ABI3BP: variants seen among roughly 807,000 people sequenced by gnomAD.
ABI3BP encodes ABI family member 3 binding protein.
ABI3BP carries 216 observed loss-of-function variants against 268.6 expected under a neutral mutation model. The ratio of observed to expected loss-of-function variants is 0.80; its 90% confidence interval spans 0.72 to 0.90. The LOEUF (loss-of-function observed/expected upper bound fraction) is 0.90. Ranked by LOEUF, ABI3BP falls within the 40% of genes least tolerant of loss-of-function variation. The pLI, the probability that ABI3BP is intolerant of heterozygous loss-of-function variation, is 0.00. For missense variants in ABI3BP, 2,090 were observed against 2,182.4 expected, an observed-to-expected ratio of 0.96 and a Z score of 0.84; for synonymous variants, 730 against 730.0, an observed-to-expected ratio of 1.00 and a Z score of 0.00.
At chr3:100,816,554 T>G in intron 43 of ABI3BP, 134 bp downstream of exon 43, 1 of 789,798 alleles carries the variant, frequency 1.3e-6, no homozygotes, top group East Asian at 2.7e-5. Flanking sequence ...TTGCTACCCA[T>G]GTTAAATAAT....
At chr3:100,880,766 C>G (rs1378093691) in intron 6 of ABI3BP, among the ~76,000 whole-genome samples, 2 of 152,198 alleles carry the variant, frequency 1.3e-5, no homozygotes, top group African/African-American at 4.8e-5. Flanking sequence ...CTGCATTACA[C>G]TAACTTCCTC....
At chr3:100,755,533 G>A (rs2095570805) in intron 63 of ABI3BP, among the ~76,000 whole-genome samples, 1 of 152,116 alleles carries the variant, frequency 6.6e-6, no homozygotes. Context: ...ATATCGGCCA[G>A]TCCCTTAACC....
At position 100,951,283 on chromosome 3, in the gene ABI3BP, A is replaced by G. The variant is rs548987712; in HGVS notation, c.80-24802T>C. Among the ~76,000 whole-genome samples the G allele has an allele frequency of 1.9e-4, 29 of 151,688 alleles. 1 individual carries two copies. The Middle Eastern group carries it at 0.01, about 53-fold the overall frequency. On this transcript the variant is annotated intron_variant, in intron 1 of 67. Transcript: ENST00000471714. The stretch of plus-strand genomic sequence containing the variant: ...TTGCCCCACCTCCCCCTACATCTTG[A>G]TTTTACTCTGTGACACAGTGGTATC...
chr3:100,831,461 T>G (rs2098492235), intron 31 of ABI3BP, among the ~76,000 whole-genome samples: 4 of 152,156 alleles, frequency 2.6e-5, no homozygotes, highest in Admixed American at 2.6e-4. Flanking sequence ...TTACTTAACA[T>G]AAGTAGCTGA....
chr3:100,753,807 A>AC lies in ABI3BP; in HGVS notation c.4960+11dup, dbSNP rs2095469491. ...AAGCATGTAGTTGTGCCTCATTGAG[A>AC]CAGGTACTTACCAGAAACTGGCTCA... On this transcript the variant is annotated intron_variant, in intron 65 of 67. Transcript: ENST00000471714. The AC allele has an allele frequency of 2.5e-6, 4 of 1,610,862 alleles. No homozygotes were observed. Among genetic ancestry groups the AC allele is most frequent in the Non-Finnish European group, 3.4e-6 (4 of 1,178,678 alleles).
At chr3:100,912,598 T>A (rs1375570161) in intron 2 of ABI3BP, among the ~76,000 whole-genome samples, 1 of 152,122 alleles carries the variant, frequency 6.6e-6, no homozygotes, top group Non-Finnish European at 1.5e-5. Context: ...ATATTGTCGA[T>A]TCTGATTTGC....
chr3:100,782,494 G>T (rs2096898396), intron 57 of ABI3BP, among the ~76,000 whole-genome samples: 1 of 152,108 alleles, frequency 6.6e-6, no homozygotes, highest in Admixed American at 6.6e-5. Flanking sequence ...CCAGCCTTTA[G>T]AAATGGATAG....
chr3:100,835,711 C>T, intron 27 of ABI3BP, 51 bp from the exon 28 acceptor site: 1 of 1,373,546 alleles, frequency 7.3e-7, no homozygotes, highest in Non-Finnish European at 9.9e-7. Flanking sequence ...TACAGAAAAA[C>T]AAAGTTATTT....
At chr3:100,870,452 G>A (rs1047916243) in intron 9 of ABI3BP, among the ~76,000 whole-genome samples, 4 of 151,902 alleles carry the variant, frequency 2.6e-5, no homozygotes, top group Non-Finnish European at 5.9e-5. Flanking sequence ...AGTGCTCAAC[G>A]TCACTGATCA....
intron 1 of ABI3BP, among the ~76,000 whole-genome samples, chr3:100,955,839 C>T (rs2076622666): frequency 6.6e-6 from 1 of 152,044 alleles, no homozygotes; most frequent in African/African-American, 2.4e-5. Context: ...GCCATACTTT[C>T]ATTGAGTTTA....
At chr3:100,851,644 C>A (rs1423471752) in intron 15 of ABI3BP, among the ~76,000 whole-genome samples, 1 of 152,184 alleles carries the variant, frequency 6.6e-6, no homozygotes, top group Non-Finnish European at 1.5e-5. Context: ...TCAGTGGCAA[C>A]CAAATCTATC....
chr3:100,866,970 GAACA>G lies in ABI3BP; in HGVS notation c.911-18_911-15del, dbSNP rs372200313. The G allele has an allele frequency of 2.6e-4, 417 of 1,609,442 alleles. 1 individual carries two copies. The African/African-American group carries it at 4.4e-3, about 17-fold the overall frequency. ...TTTCATTCTTAGCTAAAAAGTCAGA[GAACA>G]AACAATTTATCTCACTTGCAGTGTC... On this transcript the variant is annotated splice_polypyrimidine_tract_variant and intron_variant, in intron 9 of 67. Coordinates refer to ENST00000471714, the MANE Select transcript of ABI3BP (RefSeq NM_001375547.2).
chr3:100,761,940 GC>G, intron 63 of ABI3BP, among the ~76,000 whole-genome samples: 1 of 152,310 alleles, frequency 6.6e-6, no homozygotes, highest in South Asian at 2.1e-4. Flanking sequence ...TCTTTCAGAA[GC>G]TTTGATCCAT....
At chr3:100,884,495 T>G (rs563698730) in intron 6 of ABI3BP, among the ~76,000 whole-genome samples, 2 of 152,284 alleles carry the variant, frequency 1.3e-5, no homozygotes, top group South Asian at 4.1e-4. Flanking sequence ...CTACTTTATC[T>G]AAGACTATTT....
intron 1 of ABI3BP, among the ~76,000 whole-genome samples, chr3:100,956,526 T>A (rs1013562305): frequency 6.6e-6 from 1 of 152,136 alleles, no homozygotes; most frequent in African/African-American, 2.4e-5. Context: ...GGGTCTTGAG[T>A]GACTACAAAG....
chr3:100,883,730 T>C (rs1395317658), intron 6 of ABI3BP, among the ~76,000 whole-genome samples: 1 of 152,090 alleles, frequency 6.6e-6, no homozygotes, highest in Non-Finnish European at 1.5e-5. Context: ...ACCATAGTAT[T>C]AGGAAGGCTT....
In ABI3BP at chr3:100,822,643, G is replaced by T. The variant is rs528206643; in HGVS notation, c.2833C>A (p.Pro945Thr). ...GGTGTGGTTTTTGTTCTGAGACGTGGACGACGTGTCCGTTGTGATGTTTTG... is the reference window on the plus strand; with the variant it reads ...GGTGTGGTTTTTGTTCTGAGACGTGTACGACGTGTCCGTTGTGATGTTTTG... Reference protein sequence around the residue: ...ASKTSQRTRRPRLRTKTTPRP... With the variant: ...ASKTSQRTRRTRLRTKTTPRP... The change falls in exon 38 of 68, where the codon CCA becomes ACA. Residue 945 changes from proline (P) to threonine (T), a missense_variant. Coordinates refer to ENST00000471714, the MANE Select transcript of ABI3BP (RefSeq NM_001375547.2). 11 of 1,536,640 alleles carry T rather than the reference G, an allele frequency of 7.2e-6. No homozygotes were observed. In the African/African-American group the frequency reaches 1.5e-4, roughly 21 times the overall value.
At chr3:100,959,401 A>G (rs1387373013) in intron 1 of ABI3BP, among the ~76,000 whole-genome samples, 2 of 149,254 alleles carry the variant, frequency 1.3e-5, no homozygotes, top group Non-Finnish European at 3.0e-5. Context: ...GAGGCAGGAG[A>G]ATGGCGTGAA....
At position 100,822,590 on chromosome 3, in the gene ABI3BP, T is replaced by A; in HGVS notation, c.2886A>T (p.Pro962=). ...TTAAACCAGGAACACATAGTTTACC[T>A]GGTTTGGATTCAGGTGCTTCAGGAC... The part of the protein sequence containing the change: ...TPRPEAPESK[P]VPTAELKPVT... Residue 962 remains proline (P), a splice_region_variant and synonymous_variant, in exon 38 of 68, where the codon CCA becomes CCT. Coordinates refer to ENST00000471714, the MANE Select transcript of ABI3BP (RefSeq NM_001375547.2). 5.9e-6 allele frequency: 9 copies of A among 1,536,240 alleles called. No individual in the cohort carries two copies. Among genetic ancestry groups the A allele is most frequent in the Non-Finnish European group, 7.8e-6 (9 of 1,146,666 alleles).
Sources: allele counts gnomAD v4.1 joint callset (sites outside exome capture counted in the v4.1 genomes callset), GRCh38; gene constraint gnomAD v4.1.1; transcripts MANE v1.5; gene names NCBI Gene and HGNC (gene_info 2026-07-23, HGNC 2026-07-21).